Variants in SERPINB1 observed in about 807,000 individuals in gnomAD.
SERPINB1 encodes leukocyte elastase inhibitor.
Under a neutral mutation model 25.9 loss-of-function variants are expected in SERPINB1, and 23 were observed. The ratio of observed to expected loss-of-function variants is 0.89; its 90% CI spans 0.64 to 1.26. The LOEUF is 1.26. SERPINB1 is among the 50% of genes most tolerant of loss of function. The pLI is 0.00. For synonymous variants in SERPINB1, 178 were observed against 178.7 expected (o/e 1.00, Z 0.03); for missense variants, 399 against 463.6 (o/e 0.86, Z 1.28).
rs1187111955 is a variant in SERPINB1, at chr6:2,833,511, G to A, written c.*97C>T. On this transcript the variant is annotated 3_prime_UTR_variant, in exon 7 of 7. Coordinates refer to ENST00000380739, the MANE Select transcript of SERPINB1 (RefSeq NM_030666.4). ...AATGAAAGACTTGTTTCTGAACAGT[G>A]GTTTTATTGGTAAAGATATAAGACA... is the stretch of plus-strand genomic sequence containing the variant. 2 of 1,150,228 alleles carry A rather than the reference G, an allele frequency of 1.7e-6. No individual in the cohort carries two copies. The highest frequency in any genetic ancestry group is 1.6e-5 in the African/African-American group (1 of 63,676). 71.3% of individuals were successfully genotyped at this position (1,150,228 alleles called of 1,614,324 possible).
Position 2,841,287 on chromosome 6 carries a change from GC to G in SERPINB1, c.-9+524del, listed in dbSNP as rs1350254183. 5.9e-5 allele frequency: 9 copies of G among 152,260 alleles called. No individual in the cohort carries two copies. Among genetic ancestry groups the G allele is most frequent in the Non-Finnish European group, 1.3e-4 (9 of 68,118 alleles). The allele number at this position is 152,260 out of a possible 1,614,324, so 9.4% of individuals were successfully genotyped here. On this transcript the variant is annotated intron_variant, in intron 1 of 6. Transcript: ENST00000380739. This position sits in a 1 kb window ranked among gnomAD's most constrained non-coding sequence, Gnocchi z 4.5. ...GCCCATCTCGATCTCCACTCTCAGA[GC>G]CCTGATTTCCCCCGAGGACAGGCAA... is the stretch of plus-strand genomic sequence containing the variant.
rs1001906980 is a variant in SERPINB1 at position 2,837,773 on chromosome 6, G to T, written c.424+109C>A. 4 of 827,006 alleles carry T rather than the reference G, an allele frequency of 4.8e-6. No individual in the cohort carries two copies. The highest frequency in any genetic ancestry group is 4.4e-5 in the South Asian group (3 of 67,496). 51.2% of individuals were successfully genotyped at this position (827,006 alleles called of 1,614,324 possible). On this transcript the variant is annotated intron_variant, in intron 4 of 6. Coordinates refer to ENST00000380739, the MANE Select transcript of SERPINB1 (RefSeq NM_030666.4). The surrounding 1 kb of genome is among the most constrained non-coding windows in gnomAD (Gnocchi z 4.3). Reference sequence around the variant, plus strand: ...TCCTCTGACTGTAACCACGATGTGCGCCAGGACTGTGGGAGCTGGGGAGGG... The same window carrying T: ...TCCTCTGACTGTAACCACGATGTGCTCCAGGACTGTGGGAGCTGGGGAGGG...
In SERPINB1 at chr6:2,833,850, T is replaced by C. The variant is rs766104192; in HGVS notation, c.898A>G (p.Ser300Gly). ...RLGVQDLFNS[S>G]KADLSGMSGA... ...GACATGCCAGACAGATCAGCCTTGC[T>C]ACTGTTAAAGAGATCCTGCACACCT... Residue 300 changes from serine (S) to glycine (G), a missense_variant, in exon 7 of 7, where the codon AGC (serine) becomes GGC (glycine). Transcript: ENST00000380739. 3 of 1,614,164 alleles carry C rather than the reference T, an allele frequency of 1.9e-6. No individual in the cohort carries two copies. The highest frequency in any genetic ancestry group is 2.7e-5 in the African/African-American group (2 of 75,038).
intron 2 of SERPINB1, 87 bp from the exon 3 acceptor site, chr6:2,838,773 T>A: frequency 9.3e-7 from 1 of 1,079,756 alleles, no homozygotes; most frequent in Non-Finnish European, 1.2e-6. Context: ...CACATTAAAT[T>A]AATGTGTTTT....
rs1347997643 is a variant in SERPINB1, at chr6:2,833,495, C to T, written c.*113G>A. Reference sequence around the variant, plus strand: ...CCAAACTTACAAAGAAAATGAAAGACTTGTTTCTGAACAGTGGTTTTATTG... The same window carrying T: ...CCAAACTTACAAAGAAAATGAAAGATTTGTTTCTGAACAGTGGTTTTATTG... On this transcript the variant is annotated 3_prime_UTR_variant, in exon 7 of 7. Transcript: ENST00000380739. 2 of 1,033,618 alleles carry T rather than the reference C, an allele frequency of 1.9e-6. No individual in the cohort carries two copies. Among genetic ancestry groups the T allele is most frequent in the Admixed American group, 6.5e-5 (2 of 30,642 alleles). 64.0% of individuals were successfully genotyped at this position (1,033,618 alleles called of 1,614,324 possible). A position where few individuals can be genotyped will look rare whatever the true frequency, so the allele number is the denominator to read the frequency against.
Position 2,833,583 on chromosome 6 carries a change from T to C in SERPINB1, c.*25A>G. 1 of 1,558,776 alleles carries C rather than the reference T, an allele frequency of 6.4e-7. No homozygotes were observed. ...AGGTAATAAAGCACTAAGCTTGATT[T>C]TTGTATTGCTACAGTCTCTTTCTTC... On this transcript the variant is annotated 3_prime_UTR_variant, in exon 7 of 7. Coordinates refer to ENST00000380739, the MANE Select transcript of SERPINB1 (RefSeq NM_030666.4).
chr6:2,840,368 A>C, intron 2 of SERPINB1, 51 bp downstream of exon 2: 1 of 1,604,576 alleles, frequency 6.2e-7, no homozygotes. Flanking sequence ...CAGACTGTCC[A>C]TTCGTAGGGA....
At chr6:2,838,129 CT>C (rs1291616511) in intron 3 of SERPINB1, 130 bp from the exon 4 acceptor site, 2 of 644,734 alleles carry the variant, frequency 3.1e-6, no homozygotes, top group Admixed American at 3.0e-5. Context: ...AAATTTCTAA[CT>C]CTTATAGTTT....
In SERPINB1 at chr6:2,837,814, G is replaced by C. The variant is rs1326850280; in HGVS notation, c.424+68C>G. ...CTGGGGAGGGAATAACTGCAGGTAG[G>C]GAAGGCGGACTGAGGAAACGAATGA... On this transcript the variant is annotated intron_variant, in intron 4 of 6. Transcript: ENST00000380739. The surrounding 1 kb of genome is among the most constrained non-coding windows in gnomAD (Gnocchi z 4.3). The C allele has an allele frequency of 1.7e-6, 2 of 1,182,144 alleles. No homozygotes were observed. The highest frequency in any genetic ancestry group is 2.5e-6 in the Non-Finnish European group (2 of 789,740). 73.2% of individuals were successfully genotyped at this position (1,182,144 alleles called of 1,614,324 possible). A position where few individuals can be genotyped will look rare whatever the true frequency, so the allele number is the denominator to read the frequency against.
At position 2,841,252 on chromosome 6, in the gene SERPINB1, C is replaced by G. The variant is rs1766644769; in HGVS notation, c.-9+560G>C. 1.3e-5 allele frequency: 2 copies of G among 151,490 alleles called. No homozygotes were observed. Among genetic ancestry groups the G allele is most frequent in the Admixed American group, 6.6e-5 (1 of 15,224 alleles). 9.4% of individuals were successfully genotyped at this position (151,490 alleles called of 1,614,324 possible). On this transcript the variant is annotated intron_variant, in intron 1 of 6. Transcript: ENST00000380739. The surrounding 1 kb of genome is among the most constrained non-coding windows in gnomAD (Gnocchi z 4.5). ...GTCTGGCCGTGCAGCGTCCCATCCG[C>G]CACCCACTAGCCCATCTCGATCTCC...
chr6:2,837,850 G>T lies in SERPINB1; in HGVS notation c.424+32C>A. On this transcript the variant is annotated intron_variant, in intron 4 of 6. Coordinates refer to ENST00000380739, the MANE Select transcript of SERPINB1 (RefSeq NM_030666.4). The surrounding 1 kb of genome is among the most constrained non-coding windows in gnomAD (Gnocchi z 4.3). Reference sequence around the variant, plus strand: ...TGAGGAAACGAATGACATGACCAGCGCATAATGATTCCATTCTGCCCAGGC... The same window carrying T: ...TGAGGAAACGAATGACATGACCAGCTCATAATGATTCCATTCTGCCCAGGC... 6.8e-7 allele frequency: 1 copy of T among 1,465,198 alleles called. No individual in the cohort carries two copies. Among genetic ancestry groups the T allele is most frequent in the Non-Finnish European group, 9.6e-7 (1 of 1,044,760 alleles). The allele number at this position is 1,465,198 out of a possible 1,614,324, so 90.8% of individuals were successfully genotyped here.
intron 2 of SERPINB1, 64 bp downstream of exon 2, chr6:2,840,355 A>G: frequency 6.3e-7 from 1 of 1,587,112 alleles, no homozygotes; most frequent in Non-Finnish European, 8.6e-7. Flanking sequence ...CAACCTTTCC[A>G]TGCAGACTGT....
chr6:2,836,250 C>T lies in SERPINB1; in HGVS notation c.425G>A (p.Gly142Glu). The T allele has an allele frequency of 6.3e-7, 1 of 1,580,376 alleles. No individual in the cohort carries two copies. Among genetic ancestry groups the T allele is most frequent in the South Asian group, 1.2e-5 (1 of 85,274 alleles). The change falls in exon 5 of 7, where the codon GGA becomes GAA. Residue 142 changes from glycine (G) to glutamate (E), a missense_variant and splice_region_variant. Transcript: ENST00000380739. ...CGAAGCCAACAGTTCCGGAATTTTT[C>T]CTAAAAAAAAATCAAGTTAGCGTAA... ...INQWVKGQTE[G>E]KIPELLASGM...
chr6:2,834,258 C>T (rs1305260032), intron 6 of SERPINB1, among the ~76,000 whole-genome samples: 3 of 152,084 alleles, frequency 2.0e-5, no homozygotes, highest in African/African-American at 7.2e-5. Context: ...CATCCACTCA[C>T]CCACCCATCC....
rs56354806 is a variant in SERPINB1 at position 2,841,680 on chromosome 6, C to G, written c.-9+132G>C. The G allele has an allele frequency of 0.048, 6,831 of 143,084 alleles. 554 individuals carry two copies. Among genetic ancestry groups the G allele is most frequent in the African/African-American group, 0.17 (6,457 of 38,162 alleles). The allele number at this position is 143,084 out of a possible 1,614,324, so 8.9% of individuals were successfully genotyped here. A position where few individuals can be genotyped will look rare whatever the true frequency, so the allele number is the denominator to read the frequency against. ...GGGGGCGCGAAGCTGGCGGGGAGGG[C>G]GAGCGCAGGGAGCTGCGGGTCTGAG... On this transcript the variant is annotated intron_variant, in intron 1 of 6. Transcript: ENST00000380739. This position sits in a 1 kb window ranked among gnomAD's most constrained non-coding sequence, Gnocchi z 4.5.
chr6:2,840,858 A>T (rs985567443), intron 1 of SERPINB1, among the ~76,000 whole-genome samples: 1 of 152,238 alleles, frequency 6.6e-6, no homozygotes, highest in South Asian at 2.1e-4. Flanking sequence ...CCTTGCAGAC[A>T]GGTGAGTCTG....
intron 1 of SERPINB1, among the ~76,000 whole-genome samples, chr6:2,840,879 G>A (rs1383561417): frequency 6.6e-6 from 1 of 152,120 alleles, no homozygotes; most frequent in African/African-American, 2.4e-5. Flanking sequence ...GGGGTGGGGC[G>A]GGGGTAAGGC....
chr6:2,834,362 CCCAT>C (rs933369811), intron 6 of SERPINB1, among the ~76,000 whole-genome samples: 7 of 150,068 alleles, frequency 4.7e-5, no homozygotes, highest in Non-Finnish European at 7.4e-5. Flanking sequence ...AACACAGCCA[CCCAT>C]CCATCCATCC....
Position 2,837,948 on chromosome 6 carries a change from C to G in SERPINB1, c.358G>C (p.Asp120His), listed in dbSNP as rs1356651905. ...GCATCTTCAGAGGCATGCTGAAAAT[C>G]CACACTGGCCAGGTCAGCACCATAT... Reference protein sequence around the residue: ...KTYGADLASVDFQHASEDARK... With the variant: ...KTYGADLASVHFQHASEDARK... Residue 120 changes from aspartate (D) to histidine (H), a missense_variant, in exon 4 of 7, where the codon GAT becomes CAT. Physicochemically the swap from Asp to His is moderately conservative, Grantham distance 81. Transcript: ENST00000380739. This position sits in a 1 kb window ranked among gnomAD's most constrained non-coding sequence, Gnocchi z 4.3. The G allele has an allele frequency of 6.2e-7, 1 of 1,614,116 alleles. No homozygotes were observed. Among genetic ancestry groups the G allele is most frequent in the East Asian group, 2.2e-5 (1 of 44,880 alleles).
Sources: gnomAD v4.1 joint callset for allele counts (sites outside exome capture counted in the v4.1 genomes callset) on GRCh38, gnomAD v4.1.1 for gene constraint, Gnocchi (gnomAD v3.1) non-coding constraint, MANE v1.5 for transcripts, NCBI Gene and HGNC (gene_info 2026-07-23, HGNC 2026-07-21) for gene names.